The following NUP205 variants were observed in gnomAD, a reference collection of about 807,000 sequenced individuals.
NUP205 encodes the protein nucleoporin 205, also known as nuclear pore complex protein Nup205.
A neutral mutation model predicts 253.8 loss-of-function variants in NUP205; 76 were observed. The ratio of observed to expected loss-of-function variants is 0.30; its 90% confidence interval spans 0.25 to 0.36. The LOEUF (loss-of-function observed/expected upper bound fraction) is 0.36. Ranked by LOEUF, NUP205 falls within the 10% of genes least tolerant of loss-of-function variation. The pLI is 1.00. For missense variants in NUP205, 2,162 were observed against 2,425.5 expected, an observed-to-expected ratio of 0.89 and a Z score of 2.28; for synonymous variants, 832 against 850.1, an observed-to-expected ratio of 0.98 and a Z score of 0.37.
chr7:135,596,175 C>T (rs1316783161), intron 13 of NUP205, among the ~76,000 whole-genome samples: 1 of 152,132 alleles, frequency 6.6e-6, no homozygotes, highest in African/African-American at 2.4e-5. Flanking sequence ...CTCAGGTGAT[C>T]CGCCTGCCTT....
At chr7:135,641,739 G>GAT (rs1554468939) in intron 38 of NUP205, among the ~76,000 whole-genome samples, 1 of 151,796 alleles carries the variant, frequency 6.6e-6, no homozygotes, top group African/African-American at 2.4e-5. Context: ...GGTTGAGGTT[G>GAT]CAGTGATCCC....
chr7:135,588,734 A>G (rs568357606), intron 10 of NUP205, among the ~76,000 whole-genome samples: 33 of 151,378 alleles, frequency 2.2e-4, no homozygotes, highest in African/African-American at 7.5e-4. Context: ...CTCCATAGGC[A>G]TGACAATCTT....
chr7:135,565,167 A>G (rs1188347233), intron 1 of NUP205, among the ~76,000 whole-genome samples: 1 of 152,198 alleles, frequency 6.6e-6, no homozygotes, highest in Non-Finnish European at 1.5e-5. Flanking sequence ...CTAAATATGT[A>G]TAGTACAAGG....
intron 34 of NUP205, among the ~76,000 whole-genome samples, chr7:135,629,469 A>ATCTCTCTCTCTC (rs201403059): frequency 2.8e-4 from 34 of 119,798 alleles, no homozygotes; most frequent in South Asian, 5.7e-4. Flanking sequence ...GTGAGACCCT[A>ATCTCTCTCTCTC]TCTCTCTCTC....
Position 135,615,991 on chromosome 7 carries a change from T to C in NUP205, c.3386T>C (p.Leu1129Pro). 1 of 1,613,804 alleles carries C rather than the reference T, an allele frequency of 6.2e-7. No homozygotes were observed. Among genetic ancestry groups the C allele is most frequent in the Non-Finnish European group, 8.5e-7 (1 of 1,179,678 alleles). ...TCAATAGAGCTAAGGGTAACCTCTC[T>C]GAATCGTCAGCGGTCACATACCCAG... ...TASIELRVTS[L>P]NRQRSHTQRL... Residue 1129 changes from leucine (L) to proline (P), a missense_variant, in exon 24 of 43, where the codon CTG (leucine) becomes CCG (proline). Coordinates refer to ENST00000285968, the MANE Select transcript of NUP205 (RefSeq NM_015135.3).
intron 1 of NUP205, among the ~76,000 whole-genome samples, chr7:135,563,091 C>T (rs992776388): frequency 2.0e-5 from 3 of 152,202 alleles, no homozygotes; most frequent in Non-Finnish European, 4.4e-5. Flanking sequence ...TTTCCTCTGG[C>T]TAGGTCAGAG....
intron 23 of NUP205, among the ~76,000 whole-genome samples, chr7:135,615,682 C>T (rs1584675714): frequency 1.3e-5 from 2 of 152,116 alleles, no homozygotes; most frequent in South Asian, 4.1e-4. Flanking sequence ...TTCTCTTTTA[C>T]TCTTCATTTA....
intron 1 of NUP205, among the ~76,000 whole-genome samples, chr7:135,563,802 T>C (rs557597993): frequency 6.6e-6 from 1 of 151,932 alleles, no homozygotes; most frequent in Non-Finnish European, 1.5e-5. Flanking sequence ...CTGGGCAACA[T>C]AGCAACATCC....
chr7:135,617,543 G>A, intron 26 of NUP205, 59 bp from the exon 27 acceptor site: 1 of 1,275,256 alleles, frequency 7.8e-7, no homozygotes, highest in Non-Finnish European at 1.1e-6. Flanking sequence ...ATTGCTAGGT[G>A]TTACTGTTCT....
In NUP205 at chr7:135,645,590, C is replaced by T. The variant is rs1490373663; in HGVS notation, c.5806C>T (p.Leu1936=). 1.2e-6 allele frequency: 2 copies of T among 1,612,446 alleles called. No individual in the cohort carries two copies. The highest frequency in any genetic ancestry group is 4.5e-5 in the East Asian group (2 of 44,894). ...ASRTLFKSRR[L]QDSFASETNL... ...GAGAACCTTGTTTAAAAGCAGAAGA[C>T]TGCAAGGTAAACTTTCTGCTAAAAA... Residue 1936 remains leucine (L), a synonymous_variant, in exon 41 of 43, where the codon CTG becomes TTG. Coordinates refer to ENST00000285968, the MANE Select transcript of NUP205 (RefSeq NM_015135.3).
intron 38 of NUP205, among the ~76,000 whole-genome samples, chr7:135,641,433 C>A (rs1471320203): frequency 1.3e-5 from 2 of 152,158 alleles, no homozygotes; most frequent in Non-Finnish European, 2.9e-5. Context: ...GTGGCAGCAT[C>A]CACAGACAAA....
chr7:135,645,661 A>G (rs1395919418), intron 41 of NUP205, 65 bp downstream of exon 41: 2 of 1,514,314 alleles, frequency 1.3e-6, no homozygotes, highest in Non-Finnish European at 1.8e-6. Flanking sequence ...AGCTAGTACC[A>G]GTTTTTTTTT....
chr7:135,624,033 C>G (rs181919096), intron 31 of NUP205, among the ~76,000 whole-genome samples: 2 of 152,042 alleles, frequency 1.3e-5, no homozygotes, highest in South Asian at 4.2e-4. Flanking sequence ...CCTCCCGCCT[C>G]GGCCTCCCAA....
rs1563109326 is a variant in NUP205 at position 135,570,032 on chromosome 7, TA to T, written c.29-1072del. 3.5e-3 allele frequency among the ~76,000 whole-genome samples: 179 copies of T among 51,398 alleles called. 1 individual carries two copies. The highest frequency in any genetic ancestry group is 0.024 in the Middle Eastern group (2 of 84). 33.7% of individuals were successfully genotyped at this position (51,398 alleles called of 152,430 possible). A position where few individuals can be genotyped will look rare whatever the true frequency, so the allele number is the denominator to read the frequency against. ...TGAAGCAGATGGTGTTTATGTTTTA[TA>T]TATATATATATATATATATAGAGAG... is the stretch of plus-strand genomic sequence containing the variant. On this transcript the variant is annotated intron_variant, in intron 1 of 42. Transcript: ENST00000285968.
chr7:135,622,696 A>G (rs1343728017), intron 30 of NUP205, 81 bp from the exon 31 acceptor site: 2 of 1,301,726 alleles, frequency 1.5e-6, no homozygotes, highest in Admixed American at 2.2e-5. Context: ...TCCTTAGCTC[A>G]TACCTAGCAT....
chr7:135,575,284 T>TTGCAA (rs1321755667), intron 3 of NUP205, among the ~76,000 whole-genome samples: 2 of 152,110 alleles, frequency 1.3e-5, no homozygotes, highest in Non-Finnish European at 1.5e-5. Context: ...AAGTTTAAGG[T>TTGCAA]AGATGTTGCA....
In NUP205 at chr7:135,606,778, C is replaced by G. The variant is rs140772825; in HGVS notation, c.2933C>G (p.Ala978Gly). ...TCAGAACTTGAAAAGAAATTAGTTG[C>G]AATTCGTCATGAAACAAGAATCCAC... ...EGSELEKKLV[A>G]IRHETRIHIL... Residue 978 changes from alanine (A) to glycine (G), a missense_variant, in exon 21 of 43, where the codon GCA becomes GGA. Physicochemically the swap from Ala to Gly is moderately conservative, Grantham distance 60 (BLOSUM62 0). Coordinates refer to ENST00000285968, the MANE Select transcript of NUP205 (RefSeq NM_015135.3). 6.2e-7 allele frequency: 1 copy of G among 1,613,724 alleles called. No homozygotes were observed. The highest frequency in any genetic ancestry group is 1.7e-5 in the Admixed American group (1 of 60,012).
At position 135,617,086 on chromosome 7, in the gene NUP205, C is replaced by A; in HGVS notation, c.3533-4C>A. The A allele has an allele frequency of 6.2e-7, 1 of 1,601,884 alleles. No individual in the cohort carries two copies. The highest frequency in any genetic ancestry group is 8.5e-7 in the Non-Finnish European group (1 of 1,173,656). ...AAAATCAAATTACTTTTTATTATTT[C>A]TAGTACGTCGAAAAATTCTAAATAT... On this transcript the variant is annotated splice_region_variant and splice_polypyrimidine_tract_variant and intron_variant, in intron 25 of 42. Transcript: ENST00000285968.
intron 30 of NUP205, among the ~76,000 whole-genome samples, chr7:135,622,432 A>G (rs1202547170): frequency 2.0e-5 from 3 of 151,556 alleles, no homozygotes; most frequent in East Asian, 3.9e-4. Context: ...AAAAAAAAAA[A>G]GAAGGAAAAA....
Sources: allele counts gnomAD v4.1 joint callset (sites outside exome capture counted in the v4.1 genomes callset), GRCh38; gene constraint gnomAD v4.1.1; transcripts MANE v1.5; gene names NCBI Gene and HGNC (gene_info 2026-07-23, HGNC 2026-07-21).